MAP3K8: variants seen among roughly 807,000 people sequenced by gnomAD.
MAP3K8 encodes mitogen-activated protein kinase kinase kinase 8.
Under a neutral mutation model 45.8 loss-of-function variants are expected in MAP3K8, and 22 were observed. The observed-to-expected ratio is 0.48, with a 90% CI of 0.34 to 0.69. The LOEUF (loss-of-function observed/expected upper bound fraction) is 0.69. MAP3K8 is among the 30% of genes least tolerant of loss of function. MAP3K8 has a pLI of 0.01. For synonymous variants in MAP3K8, 223 were observed against 214.3 expected (o/e 1.04, Z -0.36); for missense variants, 419 against 585.0 (o/e 0.72, Z 2.93).
At chr10:30,458,709 A>T (rs975972952) in intron 7 of MAP3K8, among the ~76,000 whole-genome samples, 1 of 152,244 alleles carries the variant, frequency 6.6e-6, no homozygotes, top group Non-Finnish European at 1.5e-5. Flanking sequence ...TGAAGCTGTC[A>T]CTGACATTCA....
chr10:30,434,420 C>T, intron 1 of MAP3K8, 42 bp downstream of exon 1: 1 of 981,144 alleles, frequency 1.0e-6, no homozygotes, highest in Non-Finnish European at 1.2e-6. Context: ...TTTCGGGTCG[C>T]GTCCCGCCTG....
intron 2 of MAP3K8, among the ~76,000 whole-genome samples, chr10:30,438,276 G>A (rs1388111152): frequency 1.3e-5 from 2 of 152,138 alleles, no homozygotes; most frequent in Non-Finnish European, 2.9e-5. Context: ...CTCATCACTG[G>A]GAGAACAAGG....
At chr10:30,441,424 G>A (rs572651972) in intron 3 of MAP3K8, among the ~76,000 whole-genome samples, 1 of 152,122 alleles carries the variant, frequency 6.6e-6, no homozygotes, top group Non-Finnish European at 1.5e-5. Context: ...TTCAAAGTGT[G>A]GGGATTATAG....
chr10:30,449,619 C>T (rs919010476), intron 4 of MAP3K8, among the ~76,000 whole-genome samples: 1 of 152,162 alleles, frequency 6.6e-6, no homozygotes, highest in African/African-American at 2.4e-5. Context: ...CTTGGTTTCT[C>T]TTATTGTAAT....
intron 1 of MAP3K8, chr10:30,434,633 G>A (rs1435522162): frequency 1.1e-5 from 11 of 985,746 alleles, no homozygotes; most frequent in Non-Finnish European, 1.3e-5. Flanking sequence ...TCCCGTATCC[G>A]CAGCGCCAGG....
At chr10:30,448,418 TTA>T (rs879348530) in intron 4 of MAP3K8, among the ~76,000 whole-genome samples, 2,587 of 147,996 alleles carry the variant, frequency 0.017, 43 homozygotes, top group African/African-American at 0.028. Flanking sequence ...CCCAAATTTA[TTA>T]TTATTATTAT....
At position 30,439,005 on chromosome 10, in the gene MAP3K8, G is replaced by T; in HGVS notation, c.67G>T (p.Val23Leu). 6.2e-7 allele frequency: 1 copy of T among 1,612,026 alleles called. No individual in the cohort carries two copies. Among genetic ancestry groups the T allele is most frequent in the Non-Finnish European group, 8.5e-7 (1 of 1,178,088 alleles). The change falls in exon 3 of 9, where the codon GTG (valine) becomes TTG (leucine). Residue 23 changes from valine to leucine, a missense_variant. Transcript: ENST00000263056. ...EIDLLIKHLN[V>L]SDVIDIMENL... ...TGATTTATTAATTAAACATTTAAAT[G>T]TGTCTGATGTAATAGACATTATGGA... is the stretch of plus-strand genomic sequence containing the variant.
intron 3 of MAP3K8, among the ~76,000 whole-genome samples, chr10:30,445,653 G>A (rs1249582991): frequency 6.6e-6 from 1 of 152,150 alleles, no homozygotes; most frequent in Non-Finnish European, 1.5e-5. Context: ...TGCTGCAAAA[G>A]AGGCCTCCAG....
At chr10:30,436,818 T>TC (rs1554771897) in intron 1 of MAP3K8, among the ~76,000 whole-genome samples, 17 of 151,484 alleles carry the variant, frequency 1.1e-4, no homozygotes, top group Admixed American at 9.2e-4. Context: ...TTTTTTTTTT[T>TC]CTGTCAAATC....
chr10:30,456,634 G>C (rs1348713769), intron 6 of MAP3K8, among the ~76,000 whole-genome samples: 1 of 152,168 alleles, frequency 6.6e-6, no homozygotes, highest in Non-Finnish European at 1.5e-5. Flanking sequence ...GTCTGCACCA[G>C]CCATGAATAC....
intron 7 of MAP3K8, 29 bp from the exon 8 acceptor site, chr10:30,459,226 T>C: frequency 6.2e-7 from 1 of 1,613,644 alleles, no homozygotes; most frequent in Non-Finnish European, 8.5e-7. Context: ...ACCATACCTT[T>C]GATGCTAAGA....
intron 1 of MAP3K8, among the ~76,000 whole-genome samples, chr10:30,435,688 G>A (rs1271367483): frequency 6.6e-6 from 1 of 152,182 alleles, no homozygotes; most frequent in Non-Finnish European, 1.5e-5. Context: ...GAGTAGCTGG[G>A]ATTACAGGCG....
chr10:30,442,211 C>T (rs1290531681), intron 3 of MAP3K8, among the ~76,000 whole-genome samples: 1 of 152,214 alleles, frequency 6.6e-6, no homozygotes, highest in Non-Finnish European at 1.5e-5. Context: ...TGCTGCTTCC[C>T]AGCACGTGTG....
In MAP3K8 at chr10:30,460,802, T is replaced by C; in HGVS notation, c.1370T>C (p.Leu457Pro). The C allele has an allele frequency of 6.2e-7, 1 of 1,614,006 alleles. No individual in the cohort carries two copies. The highest frequency in any genetic ancestry group is 1.1e-5 in the South Asian group (1 of 91,082). Residue 457 changes from leucine (L) to proline (P), a missense_variant, in exon 9 of 9, where the codon CTT becomes CCT. Around this residue, in one of 3 missense-constraint regions of MAP3K8, gnomAD observed 108 missense variants for 124.2 expected, o/e 0.87. Transcript: ENST00000263056. Reference sequence around the variant, plus strand: ...GGCGCTCTGGCTGGCTACTTCAATCTTGTTCGGGGACCACCAACGCTTGAA... The same window carrying C: ...GGCGCTCTGGCTGGCTACTTCAATCCTGTTCGGGGACCACCAACGCTTGAA... Reference protein sequence around the residue: ...DLGALAGYFNLVRGPPTLEYG With the variant: ...DLGALAGYFNPVRGPPTLEYG
At position 30,450,129 on chromosome 10, in the gene MAP3K8, A is replaced by G. The variant is rs303428; in HGVS notation, c.505-129A>G. 455,002 of 776,978 alleles carry G rather than the reference A, an allele frequency of 0.59. 140,713 individuals carry two copies. Among genetic ancestry groups the G allele is most frequent in the Non-Finnish European group, 0.66 (331,516 of 505,610 alleles). 48.1% of individuals were successfully genotyped at this position (776,978 alleles called of 1,614,324 possible). On this transcript the variant is annotated intron_variant, in intron 4 of 8. Transcript: ENST00000263056. ...GAACATTATTGTAACTGGGCAGTCC[A>G]TTTTCACACAGGGCAGAGTATTCTT...
At position 30,460,793 on chromosome 10, in the gene MAP3K8, A is replaced by G. The variant is rs549654679; in HGVS notation, c.1361A>G (p.Tyr454Cys). ...LYIDLGALAGYFNLVRGPPTL... is the reference protein window; with the variant it reads ...LYIDLGALAGCFNLVRGPPTL... ...ATCGACCTCGGCGCTCTGGCTGGCT[A>G]CTTCAATCTTGTTCGGGGACCACCA... Residue 454 changes from tyrosine (Y) to cysteine (C), a missense_variant, in exon 9 of 9, where the codon TAC becomes TGC. Physicochemically the swap from Tyr to Cys is radical, Grantham distance 194. Around this residue, in one of 3 missense-constraint regions of MAP3K8, gnomAD observed 108 missense variants for 124.2 expected, o/e 0.87. Coordinates refer to ENST00000263056, the MANE Select transcript of MAP3K8 (RefSeq NM_005204.4). 5.6e-6 allele frequency: 9 copies of G among 1,614,004 alleles called. No individual in the cohort carries two copies. The South Asian group carries it at 9.9e-5, about 18-fold the overall frequency.
Position 30,460,866 on chromosome 10 carries a change from A to G in MAP3K8, c.*30A>G, listed in dbSNP as rs1356797044. On this transcript the variant is annotated 3_prime_UTR_variant, in exon 9 of 9. Coordinates refer to ENST00000263056, the MANE Select transcript of MAP3K8 (RefSeq NM_005204.4). ...TGCCATGTTTGCTCTAAATTAAGAC[A>G]GCATTGATCTCCTGGAGGCTGGTTC... 6 of 1,611,170 alleles carry G rather than the reference A, an allele frequency of 3.7e-6. No homozygotes were observed. The highest frequency in any genetic ancestry group is 1.1e-5 in the South Asian group (1 of 91,002).
In MAP3K8 at chr10:30,458,362, A is replaced by T. The variant is rs1201277251; in HGVS notation, c.1026+126A>T. 5.5e-6 allele frequency: 3 copies of T among 549,642 alleles called. No individual in the cohort carries two copies. In the South Asian group the frequency reaches 1.7e-4, roughly 31 times the overall value. 34.0% of individuals were successfully genotyped at this position (549,642 alleles called of 1,614,324 possible). On this transcript the variant is annotated intron_variant, in intron 7 of 8. Coordinates refer to ENST00000263056, the MANE Select transcript of MAP3K8 (RefSeq NM_005204.4). Reference sequence around the variant, plus strand: ...ATCTGAATGAGGCAATGGTGAAATGACAGGTAGCTACAAGTTCTTCCCATG... The same window carrying T: ...ATCTGAATGAGGCAATGGTGAAATGTCAGGTAGCTACAAGTTCTTCCCATG...
In MAP3K8 at chr10:30,439,171, A is replaced by G. The variant is rs947835153; in HGVS notation, c.233A>G (p.Tyr78Cys). The change falls in exon 3 of 9, where the codon TAT (tyrosine) becomes TGT (cysteine). Residue 78 changes from tyrosine to cysteine, a missense_variant. Physicochemically the swap from Tyr to Cys is radical, Grantham distance 194 (BLOSUM62 -2). Around this residue, in one of 3 missense-constraint regions of MAP3K8, gnomAD observed 102 missense variants for 93.5 expected, o/e 1.09. Transcript: ENST00000263056. ...QEVPWLSSVR[Y>C]GTVEDLLAFA... The stretch of plus-strand genomic sequence containing the variant: ...GTACCATGGTTGTCATCAGTCAGAT[A>G]TGGAACTGTGGAGGATTTGCTTGCT... 1.2e-6 allele frequency: 2 copies of G among 1,614,226 alleles called. No homozygotes were observed. The highest frequency in any genetic ancestry group is 1.7e-5 in the Admixed American group (1 of 60,030).
Sources: gnomAD v4.1 joint callset for allele counts (sites outside exome capture counted in the v4.1 genomes callset) on GRCh38, gnomAD v4.1.1 for gene constraint, gnomAD v4.1.1 regional missense constraint, MANE v1.5 for transcripts, NCBI Gene and HGNC (gene_info 2026-07-23, HGNC 2026-07-21) for gene names.